The following CNTNAP5 variants were observed in gnomAD, a reference collection of about 807,000 sequenced individuals.
CNTNAP5 encodes contactin associated protein family member 5, also known as contactin-associated protein-like 5.
CNTNAP5 carries 72 observed loss-of-function variants against 150.2 expected under a neutral mutation model. The observed-to-expected ratio is 0.48, with a 90% confidence interval of 0.40 to 0.58. The LOEUF is 0.58. Ranked by LOEUF, CNTNAP5 falls within the 20% of genes least tolerant of loss-of-function variation. The pLI, the probability that CNTNAP5 is intolerant of heterozygous loss-of-function variation, is 0.00. For missense variants in CNTNAP5, 1,636 were observed against 1,626.2 expected, an observed-to-expected ratio of 1.01 and a Z score of -0.10; for synonymous variants, 672 against 619.8, an observed-to-expected ratio of 1.08 and a Z score of -1.25.
In CNTNAP5 at chr2:124,637,838, T is replaced by C. The variant is rs184460982; in HGVS notation, c.1877-9920T>C. On this transcript the variant is annotated intron_variant, in intron 12 of 23. Transcript: ENST00000682447. ...CTTTAATTCTGCTCCAGTTTCTTTT[T>C]TACATGTGTCTATTAATATTGGAGC... Among the ~76,000 whole-genome samples the C allele has an allele frequency of 1.7e-3, 261 of 152,270 alleles. 1 individual carries two copies. The highest frequency in any genetic ancestry group is 8.7e-3 in the East Asian group (45 of 5,176).
At chr2:124,854,698 A>T (rs1351120193) in intron 19 of CNTNAP5, among the ~76,000 whole-genome samples, 2 of 152,248 alleles carry the variant, frequency 1.3e-5, no homozygotes, top group Non-Finnish European at 2.9e-5. Context: ...TTAAGATAGC[A>T]TGTCCCATGT....
intron 3 of CNTNAP5, among the ~76,000 whole-genome samples, chr2:124,337,655 G>C (rs1426760917): frequency 1.3e-5 from 2 of 152,050 alleles, no homozygotes; most frequent in Non-Finnish European, 2.9e-5. Context: ...TCCTGTTTTT[G>C]TCAGGCTTGT....
chr2:124,328,375 G>T (rs1349010270), intron 3 of CNTNAP5, among the ~76,000 whole-genome samples: 30 of 152,062 alleles, frequency 2.0e-4, no homozygotes, highest in Admixed American at 1.9e-3. Flanking sequence ...CACATTATAG[G>T]CATGATTTAA....
chr2:124,811,678 A>C (rs896863058), intron 19 of CNTNAP5, among the ~76,000 whole-genome samples: 5 of 130,520 alleles, frequency 3.8e-5, no homozygotes, highest in Non-Finnish European at 1.6e-5. Context: ...GCGGTGGCTC[A>C]TGCCTGTAAT....
intron 1 of CNTNAP5, among the ~76,000 whole-genome samples, chr2:124,031,575 C>T (rs1681051766): frequency 6.6e-6 from 1 of 152,126 alleles, no homozygotes; most frequent in Non-Finnish European, 1.5e-5. Context: ...TTCATATTTC[C>T]ATGACTTCAT....
intron 3 of CNTNAP5, among the ~76,000 whole-genome samples, chr2:124,319,910 A>G (rs1009492708): frequency 1.3e-5 from 2 of 152,234 alleles, no homozygotes; most frequent in African/African-American, 4.8e-5. Context: ...ACTATATATT[A>G]AAAGGCATGC....
intron 3 of CNTNAP5, among the ~76,000 whole-genome samples, chr2:124,248,701 T>C (rs1354472616): frequency 6.6e-6 from 1 of 152,182 alleles, no homozygotes; most frequent in Non-Finnish European, 1.5e-5. Flanking sequence ...CTAACCTCTT[T>C]AAGGAGTAAA....
intron 3 of CNTNAP5, among the ~76,000 whole-genome samples, chr2:124,412,412 G>A (rs1454498991): frequency 3.4e-5 from 5 of 146,526 alleles, no homozygotes; most frequent in East Asian, 2.0e-4. Context: ...AAAAGAGCCC[G>A]CATTGCCAAG....
intron 1 of CNTNAP5, among the ~76,000 whole-genome samples, chr2:124,114,002 C>T (rs1012688263): frequency 1.3e-5 from 2 of 151,872 alleles, no homozygotes; most frequent in Admixed American, 6.6e-5. Flanking sequence ...GTGCCAATAT[C>T]GCATGTCCTA....
chr2:124,459,897 T>C (rs1193075342), intron 6 of CNTNAP5, among the ~76,000 whole-genome samples: 1 of 152,206 alleles, frequency 6.6e-6, no homozygotes, highest in Non-Finnish European at 1.5e-5. Context: ...TATTCTTTGC[T>C]TAGCTGTTTG....
intron 1 of CNTNAP5, among the ~76,000 whole-genome samples, chr2:124,054,358 T>C (rs1437080559): frequency 1.3e-5 from 2 of 152,180 alleles, no homozygotes; most frequent in Admixed American, 6.5e-5. Flanking sequence ...GTTAAAAATG[T>C]ATTTTTTAAA....
At chr2:124,194,104 C>T (rs1426994349) in intron 1 of CNTNAP5, among the ~76,000 whole-genome samples, 3 of 152,016 alleles carry the variant, frequency 2.0e-5, no homozygotes, top group Non-Finnish European at 4.4e-5. Context: ...ATATCCAGAG[C>T]CCTTTATGGG....
intron 1 of CNTNAP5, among the ~76,000 whole-genome samples, chr2:124,207,714 G>A (rs576111591): frequency 6.6e-6 from 1 of 152,042 alleles, no homozygotes. Flanking sequence ...GATTGCTAAA[G>A]GTTTTCTTCA....
At chr2:124,542,948 T>A (rs561528383) in intron 10 of CNTNAP5, among the ~76,000 whole-genome samples, 4 of 152,324 alleles carry the variant, frequency 2.6e-5, no homozygotes, top group African/African-American at 7.2e-5. Flanking sequence ...TGGAATGAAC[T>A]TGATAATCTT....
At chr2:124,713,286 TTTCTTTCTTTC>T in intron 13 of CNTNAP5, among the ~76,000 whole-genome samples, 1 of 127,390 alleles carries the variant, frequency 7.8e-6, no homozygotes, top group Non-Finnish European at 1.7e-5. Flanking sequence ...TCTTTCTTTC[TTTCTTTCTTTC>T]TTTCTTCTTT....
At chr2:124,422,616 C>A (rs532677037) in intron 4 of CNTNAP5, among the ~76,000 whole-genome samples, 1 of 152,314 alleles carries the variant, frequency 6.6e-6, no homozygotes, top group African/African-American at 2.4e-5. Flanking sequence ...ATAACACATC[C>A]TAATGAATCT....
At chr2:124,123,720 T>C (rs1683621890) in intron 1 of CNTNAP5, among the ~76,000 whole-genome samples, 1 of 152,130 alleles carries the variant, frequency 6.6e-6, no homozygotes, top group Non-Finnish European at 1.5e-5. Flanking sequence ...AGAAGGACGA[T>C]CTGACAGCAA....
At chr2:124,903,198 AGT>A in intron 22 of CNTNAP5, 98 bp downstream of exon 22, 1 of 693,884 alleles carries the variant, frequency 1.4e-6, no homozygotes, top group African/African-American at 1.8e-5. Context: ...AATGTGACTC[AGT>A]TTTTACTTTG....
intron 11 of CNTNAP5, among the ~76,000 whole-genome samples, chr2:124,600,299 T>C (rs940380085): frequency 6.6e-6 from 1 of 152,264 alleles, no homozygotes; most frequent in South Asian, 2.1e-4. Context: ...GGGGTGCTCA[T>C]AGGAGACTGA....
Sources: gnomAD v4.1 joint callset for allele counts (sites outside exome capture counted in the v4.1 genomes callset) on GRCh38, gnomAD v4.1.1 for gene constraint, MANE v1.5 for transcripts, NCBI Gene and HGNC (gene_info 2026-07-23, HGNC 2026-07-21) for gene names.